Variants in CDKL1 observed in about 807,000 individuals in gnomAD.
The protein encoded by CDKL1 is cyclin-dependent kinase-like 1.
CDKL1 carries 41 observed loss-of-function variants against 42.0 expected under a neutral mutation model. The observed-to-expected ratio is 0.98, with a 90% CI of 0.76 to 1.27. The LOEUF (loss-of-function observed/expected upper bound fraction) is 1.27. Ranked by LOEUF, CDKL1 falls within the 50% of genes most tolerant of loss-of-function variation. The pLI is 0.00. For missense variants in CDKL1, 394 were observed against 428.4 expected, an observed-to-expected ratio of 0.92 and a Z score of 0.71; for synonymous variants, 153 against 158.6, an observed-to-expected ratio of 0.96 and a Z score of 0.26.
chr14:50,373,649 G>A (rs1467774130), intron 2 of CDKL1, among the ~76,000 whole-genome samples: 3 of 152,116 alleles, frequency 2.0e-5, no homozygotes, highest in African/African-American at 7.2e-5. Context: ...ATACAGATGG[G>A]AAATTTTAAA....
At chr14:50,375,464 T>G (rs2034703031) in intron 2 of CDKL1, among the ~76,000 whole-genome samples, 1 of 152,152 alleles carries the variant, frequency 6.6e-6, no homozygotes, top group African/African-American at 2.4e-5. Flanking sequence ...CCAAACAGCA[T>G]AGAATAGAAT....
At chr14:50,384,389 A>C (rs1047271009) in intron 2 of CDKL1, among the ~76,000 whole-genome samples, 1 of 152,238 alleles carries the variant, frequency 6.6e-6, no homozygotes, top group Non-Finnish European at 1.5e-5. Flanking sequence ...AAGAGATCTC[A>C]TTCTCACTAA....
At chr14:50,347,381 T>C (rs1443979884) in intron 3 of CDKL1, among the ~76,000 whole-genome samples, 5 of 152,180 alleles carry the variant, frequency 3.3e-5, no homozygotes, top group Non-Finnish European at 5.9e-5. Flanking sequence ...AGTGCTGTGC[T>C]AGAAGGGGTT....
chr14:50,379,397 C>T (rs533945832), intron 2 of CDKL1, among the ~76,000 whole-genome samples: 5 of 152,256 alleles, frequency 3.3e-5, no homozygotes, highest in African/African-American at 9.6e-5. Context: ...AGCCCAGTGG[C>T]ATCTTCAAGA....
At chr14:50,346,903 C>T (rs1251626142) in intron 3 of CDKL1, among the ~76,000 whole-genome samples, 1 of 152,030 alleles carries the variant, frequency 6.6e-6, no homozygotes, top group African/African-American at 2.4e-5. Context: ...CCCACCTCAG[C>T]CTCCCAAAGT....
At position 50,352,918 on chromosome 14, in the gene CDKL1, A is replaced by C. The variant is rs568713300; in HGVS notation, c.290+6110T>G. Among the ~76,000 whole-genome samples the C allele has an allele frequency of 3.3e-5, 5 of 152,364 alleles. No homozygotes were observed. In the South Asian group the frequency reaches 1.0e-3, roughly 32 times the overall value. ...TTTCTTTGTAGACAATTTCATAAAG[A>C]AAGTCAAGTTATAATCAGAATGATG... On this transcript the variant is annotated intron_variant, in intron 3 of 9. Transcript: ENST00000395834.
rs1595389547 is a variant in CDKL1 at position 50,396,129 on chromosome 14, T to G, written c.-261A>C. 2 of 1,067,658 alleles carry G rather than the reference T, an allele frequency of 1.9e-6. No individual in the cohort carries two copies. The highest frequency in any genetic ancestry group is 3.0e-5 in the South Asian group (1 of 33,606). 66.1% of individuals were successfully genotyped at this position (1,067,658 alleles called of 1,614,324 possible). ...TGAACCTGGGAGGCGCAGGTTGCAGTGAGCCGAGATCGCGCCACTGCACTC... is the reference window on the plus strand; with the variant it reads ...TGAACCTGGGAGGCGCAGGTTGCAGGGAGCCGAGATCGCGCCACTGCACTC... On this transcript the variant is annotated 5_prime_UTR_variant, in exon 2 of 10. Transcript: ENST00000395834.
rs1358187332 is a variant in CDKL1 at position 50,326,814 on chromosome 14, G to A, written c.*3260C>T. 1 of 947,970 alleles carries A rather than the reference G, an allele frequency of 1.1e-6. No homozygotes were observed. The highest frequency in any genetic ancestry group is 1.3e-6 in the Non-Finnish European group (1 of 795,932). The allele number at this position is 947,970 out of a possible 1,614,324, so 58.7% of individuals were successfully genotyped here. A position where few individuals can be genotyped will look rare whatever the true frequency, so the allele number is the denominator to read the frequency against. The stretch of plus-strand genomic sequence containing the variant: ...CCAGTGCTTTGGGAGGCTGAGGTGG[G>A]AGGATCACTTGAGACCAGGAGTTTG... On this transcript the variant is annotated 3_prime_UTR_variant, in exon 10 of 10. Transcript: ENST00000395834.
At chr14:50,355,328 C>G (rs2034025123) in intron 3 of CDKL1, among the ~76,000 whole-genome samples, 1 of 152,072 alleles carries the variant, frequency 6.6e-6, no homozygotes, top group Non-Finnish European at 1.5e-5. Flanking sequence ...GTAAATTGTT[C>G]AAAGTAGACT....
At position 50,390,317 on chromosome 14, in the gene CDKL1, C is replaced by T. The variant is rs746740497; in HGVS notation, c.168+5384G>A. 5.9e-6 allele frequency: 8 copies of T among 1,366,462 alleles called. No homozygotes were observed. The South Asian group carries it at 9.1e-5, about 16-fold the overall frequency. The allele number at this position is 1,366,462 out of a possible 1,614,324, so 84.6% of individuals were successfully genotyped here. A position where few individuals can be genotyped will look rare whatever the true frequency, so the allele number is the denominator to read the frequency against. On this transcript the variant is annotated intron_variant, in intron 2 of 9. Transcript: ENST00000395834. The stretch of plus-strand genomic sequence containing the variant: ...CGTCTGCCCAGGGATCCCACAGTGA[C>T]ACTGTCCTGTCCTTGACCTCCAACT...
chr14:50,332,605 C>A (rs2033019155), intron 8 of CDKL1, 173 bp from the exon 9 acceptor site: 4 of 1,490,492 alleles, frequency 2.7e-6, no homozygotes, highest in Non-Finnish European at 3.6e-6. Context: ...AAATGGCACT[C>A]ACATATTAAA....
At position 50,340,391 on chromosome 14, in the gene CDKL1, C is replaced by T. The variant is rs889275591; in HGVS notation, c.655+641G>A. 3.3e-5 allele frequency among the ~76,000 whole-genome samples: 5 copies of T among 152,190 alleles called. No homozygotes were observed. The South Asian group carries it at 6.2e-4, about 19-fold the overall frequency. ...AGGAGGAAAAGTTTACCTTAAACTG[C>T]GATACTCAGGCGAGTAGTGTCTAAA... On this transcript the variant is annotated intron_variant, in intron 6 of 9. Coordinates refer to ENST00000395834, the MANE Select transcript of CDKL1 (RefSeq NM_004196.7).
intron 2 of CDKL1, among the ~76,000 whole-genome samples, chr14:50,387,936 G>A (rs576334216): frequency 8.5e-5 from 13 of 152,072 alleles, no homozygotes; most frequent in East Asian, 3.9e-4. Flanking sequence ...TTGCCCTGTC[G>A]CCCAGGCTGG....
chr14:50,326,547 A>C lies in CDKL1; in HGVS notation c.*3527T>G. The stretch of plus-strand genomic sequence containing the variant: ...TTGCGTGCATTTCCCATGATCCTGC[A>C]TTCTTGTGTTCTTGATAGCATACAG... On this transcript the variant is annotated 3_prime_UTR_variant, in exon 10 of 10. Transcript: ENST00000395834. 1.0e-6 allele frequency: 1 copy of C among 985,442 alleles called. No homozygotes were observed. The highest frequency in any genetic ancestry group is 1.2e-6 in the Non-Finnish European group (1 of 829,924). 61.0% of individuals were successfully genotyped at this position (985,442 alleles called of 1,614,324 possible). A position where few individuals can be genotyped will look rare whatever the true frequency, so the allele number is the denominator to read the frequency against.
At chr14:50,389,916 T>C (rs1056722828) in intron 2 of CDKL1, among the ~76,000 whole-genome samples, 6 of 152,212 alleles carry the variant, frequency 3.9e-5, no homozygotes, top group Non-Finnish European at 8.8e-5. Context: ...GACAGAACTG[T>C]GTCTGCATTC....
chr14:50,334,428 T>A (rs760253227), intron 8 of CDKL1, 137 bp downstream of exon 8: 35 of 680,854 alleles, frequency 5.1e-5, no homozygotes, highest in Non-Finnish European at 8.5e-5. Context: ...GGATTACAGG[T>A]GTGAGCCACT....
intron 3 of CDKL1, among the ~76,000 whole-genome samples, chr14:50,354,148 T>G (rs1459609621): frequency 6.6e-6 from 1 of 151,802 alleles, no homozygotes; most frequent in Non-Finnish European, 1.5e-5. Flanking sequence ...AGAGACGGGG[T>G]TTCACCATGT....
chr14:50,334,567 T>G lies in CDKL1; in HGVS notation c.793A>C (p.Lys265Gln). 1 of 1,588,096 alleles carries G rather than the reference T, an allele frequency of 6.3e-7. No individual in the cohort carries two copies. Among genetic ancestry groups the G allele is most frequent in the Non-Finnish European group, 8.6e-7 (1 of 1,156,414 alleles). ...NISYPALGLL[K>Q]GCLHMDPTQR... is the part of the protein sequence containing the mutation. ...CTGTTGGAAGCCATGATTTTTACCT[T>G]TAGGAGCCCCAGGGCAGGATAAGAG... Residue 265 changes from lysine to glutamine, a missense_variant and splice_region_variant, in exon 8 of 10, where the codon AAG (lysine) becomes CAG (glutamine). Coordinates refer to ENST00000395834, the MANE Select transcript of CDKL1 (RefSeq NM_004196.7).
At chr14:50,347,359 A>G (rs758761688) in intron 3 of CDKL1, among the ~76,000 whole-genome samples, 12 of 152,206 alleles carry the variant, frequency 7.9e-5, no homozygotes, top group Non-Finnish European at 1.5e-4. Context: ...AGAGAGAGAG[A>G]GACAGCGTGA....
Sources: allele counts gnomAD v4.1 joint callset (sites outside exome capture counted in the v4.1 genomes callset), GRCh38; gene constraint gnomAD v4.1.1; transcripts MANE v1.5; gene names NCBI Gene and HGNC (gene_info 2026-07-23, HGNC 2026-07-21).